KCNIP1: variants seen among roughly 807,000 people sequenced by gnomAD.
KCNIP1 encodes the protein A-type potassium channel modulatory protein KCNIP1.
KCNIP1 carries 18 observed loss-of-function variants against 33.0 expected under a neutral mutation model. That is an observed-to-expected ratio of 0.55 (90% CI 0.38 to 0.81). The LOEUF is 0.81. Ranked by LOEUF, KCNIP1 falls within the 30% of genes least tolerant of loss-of-function variation. The pLI is 0.00. For synonymous variants in KCNIP1, 93 were observed against 98.3 expected (o/e 0.95, Z 0.32); for missense variants, 238 against 271.6 (o/e 0.88, Z 0.87).
At chr5:170,583,878 A>C (rs1457782465) in intron 1 of KCNIP1, among the ~76,000 whole-genome samples, 2 of 152,192 alleles carry the variant, frequency 1.3e-5, no homozygotes, top group African/African-American at 4.8e-5. Flanking sequence ...TAACAGTTGT[A>C]CATATTTATG....
chr5:170,488,963 G>A (rs73803722), intron 1 of KCNIP1, among the ~76,000 whole-genome samples: 3 of 152,164 alleles, frequency 2.0e-5, no homozygotes, highest in Admixed American at 6.5e-5. Flanking sequence ...TGAGGTGTGG[G>A]GTGTAATTAC....
intron 1 of KCNIP1, among the ~76,000 whole-genome samples, chr5:170,677,895 A>C (rs1581487245): frequency 6.6e-6 from 1 of 152,202 alleles, no homozygotes; most frequent in East Asian, 1.9e-4. Flanking sequence ...ATTCTTGGCC[A>C]AAAAAATAAA....
intron 1 of KCNIP1, among the ~76,000 whole-genome samples, chr5:170,436,621 G>T (rs752797740): frequency 1.1e-4 from 17 of 152,196 alleles, no homozygotes; most frequent in African/African-American, 3.9e-4. Context: ...GTGTTGCAGC[G>T]CAGGTGTGTG....
intron 1 of KCNIP1, among the ~76,000 whole-genome samples, chr5:170,591,901 A>G (rs1037986154): frequency 5.3e-5 from 8 of 152,218 alleles, no homozygotes; most frequent in Admixed American, 1.3e-4. Flanking sequence ...ATGCTGCTAT[A>G]CACATGGCTG....
At chr5:170,628,150 G>A (rs533627196) in intron 1 of KCNIP1, among the ~76,000 whole-genome samples, 5 of 152,272 alleles carry the variant, frequency 3.3e-5, no homozygotes, top group South Asian at 2.1e-4. Flanking sequence ...TCAGGGTAGC[G>A]TGTGGCCTGG....
intron 1 of KCNIP1, among the ~76,000 whole-genome samples, chr5:170,659,664 T>G (rs995438949): frequency 6.6e-6 from 1 of 152,194 alleles, no homozygotes; most frequent in African/African-American, 2.4e-5. Flanking sequence ...GGAGTTAACA[T>G]GCACAGCTCA....
intron 1 of KCNIP1, among the ~76,000 whole-genome samples, chr5:170,370,719 G>T (rs965031352): frequency 6.6e-6 from 1 of 152,222 alleles, no homozygotes; most frequent in Non-Finnish European, 1.5e-5. Context: ...AGACCTGGGC[G>T]CAATGGCCCA....
intron 1 of KCNIP1, among the ~76,000 whole-genome samples, chr5:170,688,851 A>C (rs550544354): frequency 4.6e-5 from 7 of 152,148 alleles, no homozygotes; most frequent in African/African-American, 1.4e-4. Flanking sequence ...GGCTGATCCT[A>C]TGGAAGCACA....
At chr5:170,619,132 C>A (rs955074503) in intron 1 of KCNIP1, among the ~76,000 whole-genome samples, 1 of 152,224 alleles carries the variant, frequency 6.6e-6, no homozygotes, top group African/African-American at 2.4e-5. Flanking sequence ...ACACACTAAT[C>A]TGAAAAGCCC....
intron 1 of KCNIP1, among the ~76,000 whole-genome samples, chr5:170,364,249 G>A (rs1041277498): frequency 2.6e-5 from 4 of 152,008 alleles, no homozygotes; most frequent in Admixed American, 2.6e-4. Context: ...CAAGTGATTG[G>A]CCCACCTTGG....
At position 170,447,299 on chromosome 5, in the gene KCNIP1, G is replaced by A. The variant is rs552382702; in HGVS notation, c.88+93335G>A. On this transcript the variant is annotated intron_variant, in intron 1 of 7. Coordinates refer to the KCNIP1 transcript ENST00000377360. Reference sequence around the variant, plus strand: ...AATTTGGGTCAAATAACAGGACCACGGGCACTCACATGTTCAAGTTATGTT... The same window carrying A: ...AATTTGGGTCAAATAACAGGACCACAGGCACTCACATGTTCAAGTTATGTT... Among the ~76,000 whole-genome samples the A allele has an allele frequency of 7.3e-5, 11 of 151,464 alleles. No homozygotes were observed. In the East Asian group the frequency reaches 2.0e-3, roughly 27 times the overall value.
intron 1 of KCNIP1, among the ~76,000 whole-genome samples, chr5:170,653,110 C>G (rs1391883428): frequency 2.0e-5 from 3 of 152,340 alleles, no homozygotes; most frequent in African/African-American, 7.2e-5. Context: ...AGTAGGGGAC[C>G]AGTCTGCTGG....
chr5:170,356,451 C>T, intron 1 of KCNIP1, among the ~76,000 whole-genome samples: 1 of 152,174 alleles, frequency 6.6e-6, no homozygotes. Context: ...CCACCTCCTG[C>T]CATGCCAGAA....
chr5:170,579,628 C>G (rs1401054797), intron 1 of KCNIP1, among the ~76,000 whole-genome samples: 1 of 152,200 alleles, frequency 6.6e-6, no homozygotes. Context: ...ACAAACCTCC[C>G]CTAGGACTCT....
chr5:170,360,124 G>A (rs1022488067), intron 1 of KCNIP1, among the ~76,000 whole-genome samples: 3 of 152,154 alleles, frequency 2.0e-5, no homozygotes, highest in Admixed American at 6.5e-5. Context: ...TAAGTCCAGG[G>A]CCTCCTTTGC....
chr5:170,443,221 A>C (rs1024787804), intron 1 of KCNIP1, among the ~76,000 whole-genome samples: 26 of 152,216 alleles, frequency 1.7e-4, no homozygotes, highest in African/African-American at 5.5e-4. Flanking sequence ...TGCCACATAA[A>C]AATGGCTCAT....
intron 1 of KCNIP1, among the ~76,000 whole-genome samples, chr5:170,521,273 A>C (rs889644448): frequency 6.6e-6 from 1 of 152,194 alleles, no homozygotes; most frequent in Non-Finnish European, 1.5e-5. Flanking sequence ...CAATGCTTCA[A>C]GCAGTCACTA....
intron 1 of KCNIP1, among the ~76,000 whole-genome samples, chr5:170,520,658 A>G (rs1459061164): frequency 1.3e-5 from 2 of 152,162 alleles, no homozygotes; most frequent in Non-Finnish European, 2.9e-5. Context: ...ACTCAAAAAC[A>G]TTTTGGTGTT....
chr5:170,676,529 G>C lies in KCNIP1; in HGVS notation c.62-42229G>C, dbSNP rs541982190. 7.9e-5 allele frequency among the ~76,000 whole-genome samples: 12 copies of C among 152,310 alleles called. No individual in the cohort carries two copies. The East Asian group carries it at 2.3e-3, about 29-fold the overall frequency. ...CCTTTTAAAGAAAAGAAAACTTCAAGTGCAATTATTGGCATTATTTTAATA... is the reference window on the plus strand; with the variant it reads ...CCTTTTAAAGAAAAGAAAACTTCAACTGCAATTATTGGCATTATTTTAATA... On this transcript the variant is annotated intron_variant, in intron 1 of 7. Transcript: ENST00000328939.
Sources: allele counts gnomAD v4.1 joint callset (sites outside exome capture counted in the v4.1 genomes callset), GRCh38; gene constraint gnomAD v4.1.1; transcripts MANE v1.5; gene names NCBI Gene and HGNC (gene_info 2026-07-23, HGNC 2026-07-21).